The following NR3C2 variants were observed in gnomAD, a reference collection of about 807,000 sequenced individuals.
NR3C2 encodes the protein nuclear receptor subfamily 3 group C member 2, also known as mineralocorticoid receptor.
NR3C2 carries 15 observed loss-of-function variants against 86.4 expected under a neutral mutation model. The ratio of observed to expected loss-of-function variants is 0.17; its 90% CI spans 0.12 to 0.27. The LOEUF (loss-of-function observed/expected upper bound fraction) is 0.27, where lower values mean the gene tolerates loss of function less well. Among genes scored for constraint, NR3C2 ranks in the 10% least tolerant of loss-of-function variants. NR3C2 has a pLI of 1.00. For missense variants in NR3C2, 960 were observed against 1,195.6 expected, an observed-to-expected ratio of 0.80 and a Z score of 2.91; for synonymous variants, 458 against 450.5, an observed-to-expected ratio of 1.02 and a Z score of -0.21.
At chr4:148,274,003 G>C (rs1275334678) in intron 2 of NR3C2, among the ~76,000 whole-genome samples, 1 of 151,534 alleles carries the variant, frequency 6.6e-6, no homozygotes, top group East Asian at 1.9e-4. Flanking sequence ...TTCACACTAG[G>C]AGCACTGGAA....
At chr4:148,173,790 C>A (rs1735243664) in intron 4 of NR3C2, among the ~76,000 whole-genome samples, 1 of 152,192 alleles carries the variant, frequency 6.6e-6, no homozygotes, top group Non-Finnish European at 1.5e-5. Context: ...ACAAAGAGGG[C>A]CCTGTTACTC....
At chr4:148,346,096 G>A (rs11723538) in intron 2 of NR3C2, among the ~76,000 whole-genome samples, 46,375 of 152,010 alleles carry the variant, frequency 0.31, 7,870 homozygotes, top group African/African-American at 0.45. Context: ...GAAATGGAGA[G>A]AGGGGAGGGT....
chr4:148,222,576 A>C (rs998450864), intron 3 of NR3C2, among the ~76,000 whole-genome samples: 1 of 152,252 alleles, frequency 6.6e-6, no homozygotes, highest in Non-Finnish European at 1.5e-5. Flanking sequence ...TAATGTATAC[A>C]CTGATTTATT....
At chr4:148,359,107 T>C (rs1561062666) in intron 2 of NR3C2, among the ~76,000 whole-genome samples, 1 of 152,160 alleles carries the variant, frequency 6.6e-6, no homozygotes, top group African/African-American at 2.4e-5. Flanking sequence ...TAATCTATGA[T>C]TTTGGTCCAA....
At chr4:148,349,437 T>C (rs1191941166) in intron 2 of NR3C2, among the ~76,000 whole-genome samples, 1 of 152,164 alleles carries the variant, frequency 6.6e-6, no homozygotes, top group African/African-American at 2.4e-5. Context: ...TTGGAAATGC[T>C]GTCAAGGTCA....
intron 2 of NR3C2, among the ~76,000 whole-genome samples, chr4:148,349,632 G>A (rs539049595): frequency 4.9e-5 from 3 of 60,746 alleles, no homozygotes; most frequent in Non-Finnish European, 6.7e-5. Context: ...CAAAGGTTCT[G>A]GTGGTGGCTT....
At chr4:148,155,108 T>C (rs989104479) in intron 4 of NR3C2, among the ~76,000 whole-genome samples, 1 of 152,188 alleles carries the variant, frequency 6.6e-6, no homozygotes, top group Non-Finnish European at 1.5e-5. Context: ...CCTTCTTTCA[T>C]TCATTTTTAC....
At chr4:148,425,519 G>A (rs1034973409) in intron 2 of NR3C2, among the ~76,000 whole-genome samples, 14 of 152,154 alleles carry the variant, frequency 9.2e-5, no homozygotes, top group African/African-American at 3.4e-4. Context: ...TCTTGGCAGA[G>A]GCACCAGTAA....
chr4:148,436,181 C>T lies in NR3C2; in HGVS notation c.680G>A (p.Ser227Asn). 2 of 1,614,182 alleles carry T rather than the reference C, an allele frequency of 1.2e-6. No individual in the cohort carries two copies. Among genetic ancestry groups the T allele is most frequent in the Non-Finnish European group, 1.7e-6 (2 of 1,180,034 alleles). The change falls in exon 2 of 9, where the codon AGC becomes AAC. Residue 227 changes from serine to asparagine, a missense_variant. Around this residue, in one of 4 missense-constraint regions of NR3C2, gnomAD observed 680 missense variants for 719.0 expected, o/e 0.95. Coordinates refer to ENST00000358102, the MANE Select transcript of NR3C2 (RefSeq NM_000901.5). Reference protein sequence around the residue: ...TASFGSFPVHSPITQGTPLTC... With the variant: ...TASFGSFPVHNPITQGTPLTC... ...CAGAGGAGTTCCCTGGGTGATTGGGCTGTGCACTGGAAAACTGCCAAAGCT... is the reference window on the plus strand; with the variant it reads ...CAGAGGAGTTCCCTGGGTGATTGGGTTGTGCACTGGAAAACTGCCAAAGCT...
chr4:148,376,921 A>AC (rs1444105280), intron 2 of NR3C2, among the ~76,000 whole-genome samples: 5 of 152,200 alleles, frequency 3.3e-5, no homozygotes, highest in Non-Finnish European at 7.3e-5. Context: ...TCAAAGTTAT[A>AC]CTTTTTTTGA....
chr4:148,396,739 A>T (rs1043243270), intron 2 of NR3C2, among the ~76,000 whole-genome samples: 5 of 152,218 alleles, frequency 3.3e-5, no homozygotes, highest in Non-Finnish European at 4.4e-5. Flanking sequence ...TATTTCATGA[A>T]GTAAAATGAT....
intron 4 of NR3C2, among the ~76,000 whole-genome samples, chr4:148,183,638 G>A (rs1462450177): frequency 6.6e-6 from 1 of 152,168 alleles, no homozygotes; most frequent in Non-Finnish European, 1.5e-5. Flanking sequence ...TGAAGAGTAT[G>A]TATCTCATAG....
At chr4:148,384,857 A>G (rs1197014327) in intron 2 of NR3C2, among the ~76,000 whole-genome samples, 33 of 152,244 alleles carry the variant, frequency 2.2e-4, no homozygotes, top group Non-Finnish European at 1.3e-4. Context: ...GTCCTGTAGT[A>G]GCTGCAAAGG....
At chr4:148,420,299 G>C (rs1207746356) in intron 2 of NR3C2, among the ~76,000 whole-genome samples, 1 of 152,150 alleles carries the variant, frequency 6.6e-6, no homozygotes, top group Non-Finnish European at 1.5e-5. Flanking sequence ...ATCTAACCAA[G>C]CCTGAGGTGT....
chr4:148,168,887 C>T (rs1256832308), intron 4 of NR3C2, among the ~76,000 whole-genome samples: 1 of 152,004 alleles, frequency 6.6e-6, no homozygotes, highest in East Asian at 1.9e-4. Context: ...TTGTAATGTG[C>T]CTATGTTTAG....
chr4:148,144,499 G>A (rs955980516), intron 6 of NR3C2, among the ~76,000 whole-genome samples: 1 of 152,092 alleles, frequency 6.6e-6, no homozygotes, highest in Non-Finnish European at 1.5e-5. Context: ...GGCTAAAAGC[G>A]ACTTTCTACT....
upstream of NR3C2, among the ~76,000 whole-genome samples, chr4:148,443,520 C>T: frequency 6.6e-6 from 1 of 151,974 alleles, no homozygotes; most frequent in Admixed American, 6.5e-5. Flanking sequence ...CGGTTTCCCT[C>T]CAACCGCCCC....
chr4:148,276,943 T>C (rs919989830), intron 2 of NR3C2, among the ~76,000 whole-genome samples: 15 of 152,372 alleles, frequency 9.8e-5, no homozygotes, highest in African/African-American at 3.4e-4. Flanking sequence ...AAATGCCTGA[T>C]TACATTTGTT....
At chr4:148,251,074 C>A (rs1739553044) in intron 3 of NR3C2, among the ~76,000 whole-genome samples, 1 of 152,098 alleles carries the variant, frequency 6.6e-6, no homozygotes, top group Non-Finnish European at 1.5e-5. Flanking sequence ...CTCAGCCCCC[C>A]AAGGAGCTGA....
Sources: allele counts gnomAD v4.1 joint callset (sites outside exome capture counted in the v4.1 genomes callset), GRCh38; gene constraint gnomAD v4.1.1; regional missense constraint gnomAD v4.1.1; transcripts MANE v1.5; gene names NCBI Gene and HGNC (gene_info 2026-07-23, HGNC 2026-07-21).